The following PDXDC1 variants were observed in gnomAD, a reference collection of about 807,000 sequenced individuals.
The protein encoded by PDXDC1 is pyridoxal dependent decarboxylase domain containing 1.
A neutral mutation model predicts 100.1 loss-of-function variants in PDXDC1; 42 were observed. That is an observed-to-expected ratio of 0.42 (90% CI 0.33 to 0.54). The LOEUF is 0.54. PDXDC1 is among the 20% of genes least tolerant of loss of function. The probability of loss-of-function intolerance (pLI) is 0.10; values close to 1 mark genes in which losing one functional copy is unlikely to be tolerated. For missense variants in PDXDC1, 636 were observed against 979.2 expected (o/e 0.65, Z 4.68); for synonymous variants, 260 against 371.7 (o/e 0.70, Z 3.46).
downstream of PDXDC1, chr16:15,039,822 G>A (rs1434120260): frequency 5.0e-6 from 3 of 602,042 alleles, no homozygotes; most frequent in South Asian, 4.3e-5. Flanking sequence ...AGTGTGGGGA[G>A]GGGTATATGT....
In PDXDC1 at chr16:15,028,966, G is replaced by A. The variant is rs773917597; in HGVS notation, c.1293G>A (p.Trp431Ter). 1.2e-6 allele frequency: 2 copies of A among 1,612,202 alleles called. No individual in the cohort carries two copies. Among genetic ancestry groups the A allele is most frequent in the African/African-American group, 1.3e-5 (1 of 75,074 alleles). The change falls in exon 15 of 23, where the codon TGG (tryptophan) becomes TGA (stop). Residue 431 changes from tryptophan to a stop codon, truncating the protein, a stop_gained and splice_region_variant. Transcript: ENST00000396410. LOFTEE classifies it high-confidence loss of function. ...ACTCGTGTGACGCGCTGAATCGCTGGGTGAGAATGGCAGTCACCCCCCTTT... is the reference window on the plus strand; with the variant it reads ...ACTCGTGTGACGCGCTGAATCGCTGAGTGAGAATGGCAGTCACCCCCCTTT... The part of the protein sequence containing the change: ...ERHSCDALNR[W>*]LGEQLKQLVP...
intron 16 of PDXDC1, chr16:15,083,438 A>G: frequency 6.3e-7 from 1 of 1,577,882 alleles, no homozygotes; most frequent in Non-Finnish European, 8.6e-7. Context: ...AAAGAAAGAA[A>G]AAGACCTAAT....
At chr16:15,151,706 C>T in the PDXDC1 span, among the ~76,000 whole-genome samples, 2 of 114,386 alleles carry the variant, frequency 1.7e-5, no homozygotes, top group South Asian at 3.2e-4. Context: ...CCGAGGCGGG[C>T]GGATCATCTG....
chr16:15,080,832 T>G (rs1457898918), intron 16 of PDXDC1, among the ~76,000 whole-genome samples: 15 of 55,162 alleles, frequency 2.7e-4, no homozygotes, highest in Non-Finnish European at 6.7e-4. Context: ...ATCTGCCTCT[T>G]TGACATTTCA....
chr16:14,990,077 G>C (rs1240164973), intron 1 of PDXDC1: 57 of 1,494,410 alleles, frequency 3.8e-5, no homozygotes, highest in Non-Finnish European at 4.9e-5. Context: ...GCAGCAGTAG[G>C]AGGCCAAGCA....
At chr16:15,141,708 G>T (rs1373681189), downstream of PDXDC1, among the ~76,000 whole-genome samples, 1 of 152,184 alleles carries the variant, frequency 6.6e-6, no homozygotes, top group Non-Finnish European at 1.5e-5. Context: ...CATAAGGATG[G>T]GTGGGCCCAC....
intron 16 of PDXDC1, among the ~76,000 whole-genome samples, chr16:15,084,442 A>G (rs1272436799): frequency 6.6e-6 from 1 of 151,038 alleles, no homozygotes; most frequent in Non-Finnish European, 1.5e-5. Flanking sequence ...CTGCATACAA[A>G]CTTTGAAAAA....
At chr16:15,041,358 C>G (rs907580134), downstream of PDXDC1, among the ~76,000 whole-genome samples, 1 of 152,050 alleles carries the variant, frequency 6.6e-6, no homozygotes, top group Non-Finnish European at 1.5e-5. Flanking sequence ...CTCTGTGCAC[C>G]CTGTCTGCCA....
At chr16:15,057,023 A>AT (rs1442586279) in intron 16 of PDXDC1, among the ~76,000 whole-genome samples, 1 of 152,144 alleles carries the variant, frequency 6.6e-6, no homozygotes, top group East Asian at 1.9e-4. Context: ...ACTTGGAAAT[A>AT]TTGCTCAAAT....
intron 16 of PDXDC1, among the ~76,000 whole-genome samples, chr16:15,122,096 G>A (rs918945110): frequency 8.6e-5 from 13 of 151,366 alleles, no homozygotes; most frequent in Non-Finnish European, 1.0e-4. Flanking sequence ...CCCCGGAAGC[G>A]GAGGTTGCAG....
chr16:15,070,242 T>G (rs2151773257), intron 16 of PDXDC1: 1 of 1,611,426 alleles, frequency 6.2e-7, no homozygotes, highest in Non-Finnish European at 8.5e-7. Flanking sequence ...GATCTAGGCA[T>G]GATTTTACAG....
intron 16 of PDXDC1, chr16:15,046,157 T>G (rs910268200): frequency 6.6e-6 from 1 of 152,290 alleles, no homozygotes; most frequent in South Asian, 2.1e-4. Flanking sequence ...TGGGCCTGCA[T>G]GGGTCACGTG....
chr16:15,043,836 T>A (rs1171297568), intron 16 of PDXDC1, among the ~76,000 whole-genome samples: 1 of 151,914 alleles, frequency 6.6e-6, no homozygotes, highest in Non-Finnish European at 1.5e-5. Context: ...TGATCCCAGC[T>A]ACTCAGGAGG....
At chr16:14,976,316 T>C (rs1966834712) in intron 1 of PDXDC1, among the ~76,000 whole-genome samples, 1 of 152,270 alleles carries the variant, frequency 6.6e-6, no homozygotes, top group African/African-American at 2.4e-5. Flanking sequence ...GTAGGAATAA[T>C]ATATTTTGTC....
chr16:15,104,589 A>T (rs1398723226), intron 16 of PDXDC1: 2 of 1,599,724 alleles, frequency 1.3e-6, no homozygotes, highest in Non-Finnish European at 1.7e-6. Context: ...AAGGGGATAG[A>T]GCAGACACTC....
chr16:15,128,303 G>A (rs553162433), intron 16 of PDXDC1: 76 of 1,609,728 alleles, frequency 4.7e-5, no homozygotes, highest in Middle Eastern at 2.2e-4. Flanking sequence ...AGGCTGTTGC[G>A]GTGGAAGGCT....
chr16:15,031,650 C>A, intron 16 of PDXDC1, 85 bp from the exon 17 acceptor site: 2 of 1,220,096 alleles, frequency 1.6e-6, no homozygotes, highest in South Asian at 1.3e-5. Flanking sequence ...GAGCTTTTGA[C>A]CTTCCCAGTA....
intron 16 of PDXDC1, chr16:15,133,168 G>A (rs1356053358): frequency 4.9e-5 from 45 of 909,252 alleles, no homozygotes; most frequent in Non-Finnish European, 6.2e-5. Context: ...TCTGGGGCCC[G>A]GGATAAGCCC....
intron 16 of PDXDC1, chr16:15,132,808 G>C (rs1383344980): frequency 1.3e-5 from 17 of 1,326,900 alleles, no homozygotes; most frequent in Non-Finnish European, 1.8e-5. Context: ...TGATGTTCTT[G>C]CGTATCTGGG....
Sources: allele counts gnomAD v4.1 joint callset (sites outside exome capture counted in the v4.1 genomes callset), GRCh38; gene constraint gnomAD v4.1.1; transcripts MANE v1.5; gene names NCBI Gene and HGNC (gene_info 2026-07-23, HGNC 2026-07-21).